The following KYNU variants were observed in gnomAD, a reference collection of about 807,000 sequenced individuals.
KYNU encodes the protein L-kynurenine hydrolase.
KYNU carries 54 observed loss-of-function variants against 59.2 expected under a neutral mutation model. The observed-to-expected ratio is 0.91, with a 90% CI of 0.73 to 1.14. The LOEUF is 1.14. Among genes scored for constraint, KYNU ranks in the 50% most tolerant of loss-of-function variants. KYNU has a pLI of 0.00. For synonymous variants in KYNU, 177 were observed against 192.0 expected, an observed-to-expected ratio of 0.92 and a Z score of 0.65; for missense variants, 567 against 554.4, an observed-to-expected ratio of 1.02 and a Z score of -0.23.
At chr2:142,906,105 C>T (rs1682289305) in intron 2 of KYNU, among the ~76,000 whole-genome samples, 1 of 152,030 alleles carries the variant, frequency 6.6e-6, no homozygotes, top group South Asian at 2.1e-4. Flanking sequence ...CTCTGTCTCT[C>T]TCTCTGTCTC....
At chr2:142,984,767 G>A (rs966970383) in intron 8 of KYNU, among the ~76,000 whole-genome samples, 2 of 152,034 alleles carry the variant, frequency 1.3e-5, no homozygotes, top group Non-Finnish European at 2.9e-5. Context: ...ATGACTACTA[G>A]TACAGTTCGG....
In KYNU at chr2:142,949,555, C is replaced by CCCCTTT. The variant is rs1468151241; in HGVS notation, c.374-5254_374-5253insCCTTTC. Among the ~76,000 whole-genome samples, 6 of 152,352 alleles carry CCCCTTT rather than the reference C, an allele frequency of 3.9e-5. No homozygotes were observed. In the East Asian group the frequency reaches 9.6e-4, roughly 24 times the overall value. On this transcript the variant is annotated intron_variant, in intron 4 of 13. Coordinates refer to ENST00000264170, the MANE Select transcript of KYNU (RefSeq NM_003937.3). ...GGCTTGAGGCTTGCACCCTTTGAAG[C>CCCCTTT]CACAGACTGAGCTGTACCTTGGCCC...
intron 10 of KYNU, chr2:142,988,945 G>T (rs1487242170): frequency 2.0e-6 from 3 of 1,463,586 alleles, no homozygotes; most frequent in African/African-American, 2.8e-5. Context: ...GATAGGAAAA[G>T]AAATGTTTTG....
chr2:142,897,337 T>C (rs180798987), intron 2 of KYNU, among the ~76,000 whole-genome samples: 16 of 152,350 alleles, frequency 1.1e-4, no homozygotes, highest in Admixed American at 1.0e-3. Context: ...TGGTCACAGA[T>C]TTATGGACAT....
At chr2:142,910,282 C>A (rs1454181642) in intron 2 of KYNU, among the ~76,000 whole-genome samples, 37 of 151,618 alleles carry the variant, frequency 2.4e-4, no homozygotes, top group African/African-American at 9.0e-4. Context: ...GACTACAGGC[C>A]TCTGCCACCA....
chr2:142,987,393 A>G (rs1296548277), intron 10 of KYNU, among the ~76,000 whole-genome samples: 2 of 151,962 alleles, frequency 1.3e-5, no homozygotes, highest in Non-Finnish European at 2.9e-5. Context: ...ACCTCCTAGC[A>G]CACACAGGTC....
chr2:142,920,320 TA>T (rs1682835321), intron 3 of KYNU, among the ~76,000 whole-genome samples: 1 of 152,258 alleles, frequency 6.6e-6, no homozygotes. Context: ...TCATAGTTAA[TA>T]AAAATGGTTA....
At chr2:142,980,908 A>C (rs777596951) in intron 8 of KYNU, among the ~76,000 whole-genome samples, 5 of 152,172 alleles carry the variant, frequency 3.3e-5, no homozygotes, top group Non-Finnish European at 7.4e-5. Flanking sequence ...GAGGCAAAAC[A>C]ATGAAAATAA....
intron 2 of KYNU, among the ~76,000 whole-genome samples, chr2:142,912,199 A>G (rs1682501546): frequency 1.3e-5 from 2 of 151,936 alleles, no homozygotes. Context: ...TTGGTTGGTA[A>G]GATTTTATGA....
chr2:143,027,380 A>G (rs1686604862), intron 10 of KYNU, among the ~76,000 whole-genome samples: 1 of 152,198 alleles, frequency 6.6e-6, no homozygotes, highest in African/African-American at 2.4e-5. Flanking sequence ...ATTTTAAGTC[A>G]TTTTGTATAT....
At chr2:142,900,139 T>C (rs1224989867) in intron 2 of KYNU, among the ~76,000 whole-genome samples, 1 of 152,194 alleles carries the variant, frequency 6.6e-6, no homozygotes, top group Non-Finnish European at 1.5e-5. Context: ...TCAGCTCCAT[T>C]AGGATGAACC....
chr2:142,981,683 C>G (rs892960270), intron 8 of KYNU, among the ~76,000 whole-genome samples: 1 of 152,008 alleles, frequency 6.6e-6, no homozygotes, highest in Admixed American at 6.6e-5. Context: ...AAATTAATCT[C>G]CCTTCCTCCC....
At chr2:143,020,173 G>GT (rs1217376755) in intron 10 of KYNU, among the ~76,000 whole-genome samples, 16 of 151,446 alleles carry the variant, frequency 1.1e-4, no homozygotes, top group African/African-American at 3.9e-4. Context: ...TTTGAGTTTG[G>GT]TTTGTTCTTG....
intron 13 of KYNU, among the ~76,000 whole-genome samples, chr2:143,040,982 A>G (rs780421906): frequency 2.4e-4 from 36 of 152,102 alleles, no homozygotes; most frequent in Non-Finnish European, 4.1e-4. Flanking sequence ...TCTAGTCTGT[A>G]CTACAATTCA....
At chr2:143,028,034 CA>C (rs1686625679) in intron 10 of KYNU, among the ~76,000 whole-genome samples, 1 of 151,736 alleles carries the variant, frequency 6.6e-6, no homozygotes, top group Non-Finnish European at 1.5e-5. Flanking sequence ...TGTCATCTCC[CA>C]AAAAATAGTG....
At chr2:143,009,965 G>C (rs2105200398) in intron 10 of KYNU, among the ~76,000 whole-genome samples, 1 of 129,440 alleles carries the variant, frequency 7.7e-6, no homozygotes, top group Admixed American at 7.6e-5. Context: ...TACTGAATGG[G>C]CAAAAACTGG....
chr2:142,919,634 A>G (rs991727353), intron 3 of KYNU, among the ~76,000 whole-genome samples: 1 of 152,194 alleles, frequency 6.6e-6, no homozygotes, highest in African/African-American at 2.4e-5. Context: ...AACAATATCC[A>G]TTCTTTAAAG....
At chr2:142,887,304 T>C (rs1376955389) in intron 2 of KYNU, among the ~76,000 whole-genome samples, 1 of 152,152 alleles carries the variant, frequency 6.6e-6, no homozygotes, top group Non-Finnish European at 1.5e-5. Context: ...AGGATATAAA[T>C]ATTGGCTAGG....
At chr2:142,927,468 T>C (rs1683081101) in intron 3 of KYNU, among the ~76,000 whole-genome samples, 191 bp from the exon 4 acceptor site, 1 of 148,788 alleles carries the variant, frequency 6.7e-6, no homozygotes, top group African/African-American at 2.5e-5. Flanking sequence ...TAAAAGAAAT[T>C]TAAAAAGAGA....
Sources: gnomAD v4.1 joint callset for allele counts (sites outside exome capture counted in the v4.1 genomes callset) on GRCh38, gnomAD v4.1.1 for gene constraint, MANE v1.5 for transcripts, NCBI Gene and HGNC (gene_info 2026-07-23, HGNC 2026-07-21) for gene names.